SH3BP4: variants seen among roughly 807,000 people sequenced by gnomAD.
SH3BP4 encodes SH3 domain binding protein 4.
A neutral mutation model predicts 65.5 loss-of-function variants in SH3BP4; 33 were observed. That is an observed-to-expected ratio of 0.50 (90% CI 0.38 to 0.67). SH3BP4 has a LOEUF of 0.67. Among genes scored for constraint, SH3BP4 ranks in the 30% least tolerant of loss-of-function variants. The probability of loss-of-function intolerance (pLI) is 0.00; values close to 1 mark genes in which losing one functional copy is unlikely to be tolerated. For missense variants in SH3BP4, 1,134 were observed against 1,261.4 expected (o/e 0.90, Z 1.53); for synonymous variants, 552 against 545.5 (o/e 1.01, Z -0.17).
chr2:235,003,491 T>C (rs1694197001), intron 2 of SH3BP4, among the ~76,000 whole-genome samples: 1 of 152,268 alleles, frequency 6.6e-6, no homozygotes, highest in Admixed American at 6.5e-5. Flanking sequence ...TTTACTGTTT[T>C]ATCTGCTGAG....
chr2:234,980,404 G>A (rs909847967), intron 1 of SH3BP4, among the ~76,000 whole-genome samples: 5 of 152,184 alleles, frequency 3.3e-5, no homozygotes, highest in Admixed American at 6.5e-5. Context: ...ATATCTTATT[G>A]TACTGTAGCA....
At chr2:234,986,231 T>G (rs1693557155) in intron 1 of SH3BP4, among the ~76,000 whole-genome samples, 1 of 152,180 alleles carries the variant, frequency 6.6e-6, no homozygotes, top group Non-Finnish European at 1.5e-5. Flanking sequence ...TACCCTGAGT[T>G]GAGGAGGAAG....
chr2:235,040,154 G>T (rs1349688160), intron 3 of SH3BP4, among the ~76,000 whole-genome samples: 1 of 152,200 alleles, frequency 6.6e-6, no homozygotes, highest in Non-Finnish European at 1.5e-5. Flanking sequence ...AGAATCACTT[G>T]AATCTGAGCG....
intron 3 of SH3BP4, among the ~76,000 whole-genome samples, chr2:235,037,889 T>C (rs1024404291): frequency 2.0e-5 from 3 of 152,036 alleles, no homozygotes; most frequent in African/African-American, 7.2e-5. Context: ...ATTAAATAAT[T>C]TGTTGGTTTT....
intron 2 of SH3BP4, among the ~76,000 whole-genome samples, chr2:235,005,376 C>T (rs1056860284): frequency 6.6e-6 from 1 of 152,100 alleles, no homozygotes; most frequent in Non-Finnish European, 1.5e-5. Flanking sequence ...ACTCCGGCTC[C>T]CCTGACTGGG....
At position 235,052,070 on chromosome 2, in the gene SH3BP4, T is replaced by TG. The variant is rs1301404447; in HGVS notation, c.2479-487dup. ...CAGGGTGGCCTCCGTCTGGAAGCAGTGGGGGAGAAGGGGTTGCAGGCCTGC... is the reference window on the plus strand; with the variant it reads ...CAGGGTGGCCTCCGTCTGGAAGCAGTGGGGGGAGAAGGGGTTGCAGGCCTGC... On this transcript the variant is annotated intron_variant, in intron 4 of 5. Transcript: ENST00000392011. The surrounding 1 kb of genome is among the most constrained non-coding windows in gnomAD (Gnocchi z 5.0). 1.3e-5 allele frequency among the ~76,000 whole-genome samples: 2 copies of TG among 152,098 alleles called. No individual in the cohort carries two copies. The highest frequency in any genetic ancestry group is 4.8e-5 in the African/African-American group (2 of 41,402).
In SH3BP4 at chr2:234,967,746, G is replaced by A. The variant is rs559811434; in HGVS notation, c.-207+15576G>A. 3.3e-5 allele frequency among the ~76,000 whole-genome samples: 5 copies of A among 152,294 alleles called. No homozygotes were observed. Among genetic ancestry groups the A allele is most frequent in the South Asian group, 4.2e-4 (2 of 4,816 alleles). ...CAGTGACCCAGTGATGCTGAGTCCC[G>A]CTTTGGGAGGTGTGGCACAGGGGCA... On this transcript the variant is annotated intron_variant, in intron 1 of 5. Transcript: ENST00000392011. This position sits in a 1 kb window ranked among gnomAD's most constrained non-coding sequence, Gnocchi z 4.6.
At position 235,041,404 on chromosome 2, in the gene SH3BP4, G is replaced by T; in HGVS notation, c.635G>T (p.Ser212Ile). Residue 212 changes from serine (S) to isoleucine (I), a missense_variant, in exon 4 of 6, where the codon AGC becomes ATC. By Grantham distance (142) the Ser-to-Ile change is moderately radical. Transcript: ENST00000392011. This position sits in a 1 kb window ranked among gnomAD's most constrained non-coding sequence, Gnocchi z 6.0. ...GAATCCAGCTCAGCCACCACGAATA[G>T]CACTGGCAACATCTTCGATGAGCTT... is the stretch of plus-strand genomic sequence containing the variant. ...FTESSSATTN[S>I]TGNIFDELPV... 6.2e-7 allele frequency: 1 copy of T among 1,614,174 alleles called. No homozygotes were observed. Among genetic ancestry groups the T allele is most frequent in the Non-Finnish European group, 8.5e-7 (1 of 1,180,036 alleles).
chr2:234,956,354 C>T (rs1004343231), intron 1 of SH3BP4, among the ~76,000 whole-genome samples: 40 of 152,122 alleles, frequency 2.6e-4, no homozygotes, highest in African/African-American at 9.7e-4. Context: ...ATAAGGGTTC[C>T]ACCTTCCTCT....
intron 1 of SH3BP4, among the ~76,000 whole-genome samples, chr2:234,987,057 C>G (rs1319434215): frequency 6.7e-6 from 1 of 149,030 alleles, no homozygotes; most frequent in Non-Finnish European, 1.5e-5. Flanking sequence ...CAGGCATGAG[C>G]CACCCCGCCC....
chr2:234,963,359 T>C (rs1692759100), intron 1 of SH3BP4, among the ~76,000 whole-genome samples: 1 of 152,222 alleles, frequency 6.6e-6, no homozygotes, highest in Non-Finnish European at 1.5e-5. Context: ...GTTGGGTGAC[T>C]GTATAATTAC....
intron 1 of SH3BP4, among the ~76,000 whole-genome samples, chr2:234,993,612 CCA>C (rs1345271020): frequency 6.6e-6 from 1 of 152,178 alleles, no homozygotes; most frequent in Non-Finnish European, 1.5e-5. Context: ...TACCATGAAG[CCA>C]GCCTCATTCG....
At chr2:234,992,555 G>A (rs552395733) in intron 1 of SH3BP4, among the ~76,000 whole-genome samples, 36 of 148,442 alleles carry the variant, frequency 2.4e-4, no homozygotes, top group South Asian at 8.7e-4. Context: ...AGATGGACAC[G>A]TTCCTGCTGC....
At position 235,042,114 on chromosome 2, in the gene SH3BP4, A is replaced by C; in HGVS notation, c.1345A>C (p.Met449Leu). 8.1e-6 allele frequency: 13 copies of C among 1,614,062 alleles called. No individual in the cohort carries two copies. The highest frequency in any genetic ancestry group is 1.0e-5 in the Non-Finnish European group (12 of 1,180,026). ...QAQLHNLEPC[M>L]YVAVVAHGPS... The stretch of plus-strand genomic sequence containing the variant: ...ACAGCTGCACAACCTGGAGCCCTGT[A>C]TGTACGTGGCTGTCGTGGCCCATGG... Residue 449 changes from methionine (M) to leucine (L), a missense_variant, in exon 4 of 6, where the codon ATG (methionine) becomes CTG (leucine). Coordinates refer to ENST00000392011, the MANE Select transcript of SH3BP4 (RefSeq NM_014521.3). This position sits in a 1 kb window ranked among gnomAD's most constrained non-coding sequence, Gnocchi z 7.3.
chr2:234,960,890 A>G (rs764838454), intron 1 of SH3BP4, among the ~76,000 whole-genome samples: 3 of 152,130 alleles, frequency 2.0e-5, no homozygotes, highest in Non-Finnish European at 4.4e-5. Context: ...TTCTTCTTAC[A>G]TTGTTTTTTG....
rs748963377 is a variant in SH3BP4, at chr2:234,977,776, GAC to G, written c.-206-17524_-206-17523del. ...ACAGAGTGAGCCCTGCGCTGGGAAA[GAC>G]ACGCACACGCATATGCACACACATG... On this transcript the variant is annotated intron_variant, in intron 1 of 5. Transcript: ENST00000392011. This position sits in a 1 kb window ranked among gnomAD's most constrained non-coding sequence, Gnocchi z 5.1. Among the ~76,000 whole-genome samples the G allele has an allele frequency of 9.2e-5, 14 of 152,018 alleles. No individual in the cohort carries two copies. The highest frequency in any genetic ancestry group is 1.8e-4 in the Non-Finnish European group (12 of 68,004).
rs1168889666 is a variant in SH3BP4 at position 234,952,242 on chromosome 2, T to C, written c.-207+72T>C. ...GGCCGGCGGGGGCGCGGGGTCGTGCTCGGGGGCTTTGCACTCCCTTGCGGG... is the reference window on the plus strand; with the variant it reads ...GGCCGGCGGGGGCGCGGGGTCGTGCCCGGGGGCTTTGCACTCCCTTGCGGG... On this transcript the variant is annotated intron_variant, in intron 1 of 5. Coordinates refer to ENST00000392011, the MANE Select transcript of SH3BP4 (RefSeq NM_014521.3). This position sits in a 1 kb window ranked among gnomAD's most constrained non-coding sequence, Gnocchi z 6.5. The C allele has an allele frequency of 6.7e-6, 1 of 149,872 alleles. No homozygotes were observed. Among genetic ancestry groups the C allele is most frequent in the Admixed American group, 6.7e-5 (1 of 15,030 alleles). 9.3% of individuals were successfully genotyped at this position (149,872 alleles called of 1,614,324 possible).
At chr2:234,999,437 GTC>G (rs1301224553) in intron 2 of SH3BP4, among the ~76,000 whole-genome samples, 1 of 152,146 alleles carries the variant, frequency 6.6e-6, no homozygotes, top group Non-Finnish European at 1.5e-5. Context: ...TGATTTTCCT[GTC>G]TCTGTGTTTG....
chr2:235,042,254 T>G lies in SH3BP4; in HGVS notation c.1485T>G (p.Phe495Leu), dbSNP rs773776073. The change falls in exon 4 of 6, where the codon TTT becomes TTG. Residue 495 changes from phenylalanine to leucine, a missense_variant. Coordinates refer to ENST00000392011, the MANE Select transcript of SH3BP4 (RefSeq NM_014521.3). This position sits in a 1 kb window ranked among gnomAD's most constrained non-coding sequence, Gnocchi z 7.3. ...HPSFKTVVTIFGHDCAPKTLL... is the reference protein window; with the variant it reads ...HPSFKTVVTILGHDCAPKTLL... ...CCTTCAAGACGGTAGTGACCATTTT[T>G]GGGCATGACTGTGCCCCAAAGACGC... 2 of 1,614,046 alleles carry G rather than the reference T, an allele frequency of 1.2e-6. No homozygotes were observed.
Sources: allele counts gnomAD v4.1 joint callset (sites outside exome capture counted in the v4.1 genomes callset), GRCh38; gene constraint gnomAD v4.1.1; non-coding constraint Gnocchi (gnomAD v3.1); transcripts MANE v1.5; gene names NCBI Gene and HGNC (gene_info 2026-07-23, HGNC 2026-07-21).